DGKE: variants seen among roughly 807,000 people sequenced by gnomAD.
The protein encoded by DGKE is DAG kinase epsilon.
A neutral mutation model predicts 70.0 loss-of-function variants in DGKE; 53 were observed. The ratio of observed to expected loss-of-function variants is 0.76; its 90% CI spans 0.61 to 0.95. The LOEUF is 0.95. Ranked by LOEUF, DGKE falls within the 40% of genes least tolerant of loss-of-function variation. The probability of loss-of-function intolerance (pLI) is 0.00; values close to 1 mark genes in which losing one functional copy is unlikely to be tolerated. For missense variants in DGKE, 655 were observed against 706.9 expected, an observed-to-expected ratio of 0.93 and a Z score of 0.83; for synonymous variants, 291 against 257.0, an observed-to-expected ratio of 1.13 and a Z score of -1.27.
At chr17:56,847,857 A>G in intron 4 of DGKE, 65 bp from the exon 5 acceptor site, 1 of 1,232,020 alleles carries the variant, frequency 8.1e-7, no homozygotes, top group Non-Finnish European at 1.1e-6. Context: ...TCTAGAGGGA[A>G]ATCATCATTA....
At chr17:56,851,849 A>G (rs957132146) in intron 7 of DGKE, among the ~76,000 whole-genome samples, 6 of 152,198 alleles carry the variant, frequency 3.9e-5, no homozygotes, top group African/African-American at 1.4e-4. Flanking sequence ...GGCTCTTATA[A>G]ACTAAAATTC....
At chr17:56,857,448 G>A (rs907940188) in intron 8 of DGKE, among the ~76,000 whole-genome samples, 4 of 152,062 alleles carry the variant, frequency 2.6e-5, no homozygotes, top group South Asian at 2.1e-4. Context: ...AATAACGTTC[G>A]GTGATTGACC....
intron 6 of DGKE, 113 bp from the exon 7 acceptor site, chr17:56,849,068 C>T (rs930080668): frequency 2.6e-5 from 32 of 1,216,716 alleles, no homozygotes; most frequent in South Asian, 1.6e-4. Context: ...TGCTCATATA[C>T]GTGTGGTTAC....
chr17:56,845,669 A>T (rs746656405), intron 3 of DGKE, 21 bp from the exon 4 acceptor site: 2 of 1,600,226 alleles, frequency 1.2e-6, no homozygotes, highest in Admixed American at 3.5e-5. Context: ...AAACCTTTTC[A>T]CTCATGGCAA....
Position 56,856,579 on chromosome 17 carries a change from A to T in DGKE, c.1166A>T (p.His389Leu). ...CTCATGGCTCTCAATTTTCATGCTCATCGTGAGAAGGCACCATCTCTGTTT... is the reference window on the plus strand; with the variant it reads ...CTCATGGCTCTCAATTTTCATGCTCTTCGTGAGAAGGCACCATCTCTGTTT... Reference protein sequence around the residue: ...DALMALNFHAHREKAPSLFSS... With the variant: ...DALMALNFHALREKAPSLFSS... Residue 389 changes from histidine (H) to leucine (L), a missense_variant, in exon 8 of 12, where the codon CAT becomes CTT. Transcript: ENST00000284061. The T allele has an allele frequency of 6.2e-7, 1 of 1,613,512 alleles. No homozygotes were observed. The highest frequency in any genetic ancestry group is 1.3e-5 in the African/African-American group (1 of 75,026).
intron 4 of DGKE, among the ~76,000 whole-genome samples, chr17:56,846,803 A>C (rs1411718547): frequency 6.6e-6 from 1 of 152,140 alleles, no homozygotes; most frequent in South Asian, 2.1e-4. Context: ...CAAATACATC[A>C]GTTCTCTTTT....
Position 56,858,652 on chromosome 17 carries a change from A to C in DGKE, c.1271A>C (p.Asn424Thr). 1 of 1,604,662 alleles carries C rather than the reference A, an allele frequency of 6.2e-7. No homozygotes were observed. Among genetic ancestry groups the C allele is most frequent in the South Asian group, 1.1e-5 (1 of 88,606 alleles). The change falls in exon 9 of 12, where the codon AAT (asparagine) becomes ACT (threonine). Residue 424 changes from asparagine to threonine, a missense_variant. By Grantham distance (65) the Asn-to-Thr change is moderately conservative. Transcript: ENST00000284061. ...TTAGTGCAAGAATGTAAAGATTTGA[A>C]TAAAAAAGTTGAGGTAAGCTATTAA... ...DCLVQECKDL[N>T]KKVELELDGE...
At chr17:56,843,980 G>T in intron 2 of DGKE, 39 bp from the exon 3 acceptor site, 1 of 1,511,126 alleles carries the variant, frequency 6.6e-7, no homozygotes, top group Non-Finnish European at 8.8e-7. Context: ...TGAGATTATG[G>T]TTTAAAATTA....
intron 7 of DGKE, among the ~76,000 whole-genome samples, chr17:56,853,333 C>G (rs1171949551): frequency 6.6e-6 from 1 of 152,144 alleles, no homozygotes; most frequent in Non-Finnish European, 1.5e-5. Context: ...ATTGCCTATG[C>G]TTTTGAGATC....
intron 8 of DGKE, 116 bp downstream of exon 8, chr17:56,856,741 C>A: frequency 2.3e-6 from 3 of 1,303,964 alleles, no homozygotes; most frequent in South Asian, 1.6e-5. Flanking sequence ...GAAATATTTA[C>A]CTGCTCTGTT....
chr17:56,842,790 G>A (rs1024644242), intron 2 of DGKE, among the ~76,000 whole-genome samples: 2 of 152,100 alleles, frequency 1.3e-5, no homozygotes, highest in African/African-American at 4.8e-5. Context: ...CTGGTGGCCT[G>A]CTTTATCTCT....
chr17:56,849,206 G>A lies in DGKE; in HGVS notation c.1072G>A (p.Gly358Arg). The A allele has an allele frequency of 6.2e-7, 1 of 1,609,496 alleles. No homozygotes were observed. Among genetic ancestry groups the A allele is most frequent in the Non-Finnish European group, 8.5e-7 (1 of 1,178,866 alleles). The change falls in exon 7 of 12, where the codon GGA (glycine) becomes AGA (arginine). Residue 358 changes from glycine to arginine, a missense_variant. Coordinates refer to ENST00000284061, the MANE Select transcript of DGKE (RefSeq NM_003647.3). ...DRWKVQVTNK[G>R]YYNLRKPKEF... is the part of the protein sequence containing the mutation. ...ATGGAAAGTTCAAGTAACAAATAAA[G>A]GATACTACAACTTAAGAAAACCCAA...
chr17:56,862,465 T>C (rs574996974), intron 11 of DGKE, 147 bp from the exon 12 acceptor site: 238 of 933,028 alleles, frequency 2.6e-4, no homozygotes, highest in Middle Eastern at 3.4e-4. Context: ...AAGAATTCCT[T>C]AATCAATGAA....
chr17:56,862,557 C>A, intron 11 of DGKE, 55 bp from the exon 12 acceptor site: 1 of 1,416,690 alleles, frequency 7.1e-7, no homozygotes, highest in South Asian at 1.6e-5. Flanking sequence ...TTAAGGAAGA[C>A]CTTTCTAAAT....
At position 56,866,948 on chromosome 17, in the gene DGKE, C is replaced by G. The variant is rs948061057; in HGVS notation, c.*4157C>G. ...TTGGTGGACAGAATATTTTGGAGGTCTCCGTCGCTGTTTAGAATGTGGCCA... is the reference window on the plus strand; with the variant it reads ...TTGGTGGACAGAATATTTTGGAGGTGTCCGTCGCTGTTTAGAATGTGGCCA... On this transcript the variant is annotated 3_prime_UTR_variant, in exon 12 of 12. Transcript: ENST00000284061. 5.9e-5 allele frequency: 9 copies of G among 152,180 alleles called. No individual in the cohort carries two copies. The highest frequency in any genetic ancestry group is 2.2e-4 in the African/African-American group (9 of 41,432). The allele number at this position is 152,180 out of a possible 1,614,324, so 9.4% of individuals were successfully genotyped here.
At chr17:56,861,735 G>A in intron 9 of DGKE, 56 bp from the exon 10 acceptor site, 1 of 1,594,466 alleles carries the variant, frequency 6.3e-7, no homozygotes, top group South Asian at 1.1e-5. Flanking sequence ...ATTCTAAATG[G>A]ATGTGTGTGG....
rs1181976331 is a variant in DGKE at position 56,868,237 on chromosome 17, G to A, written c.*5446G>A. 2 of 152,380 alleles carry A rather than the reference G, an allele frequency of 1.3e-5. No individual in the cohort carries two copies. Among genetic ancestry groups the A allele is most frequent in the African/African-American group, 2.4e-5 (1 of 41,474 alleles). The allele number at this position is 152,380 out of a possible 1,614,324, so 9.4% of individuals were successfully genotyped here. A position where few individuals can be genotyped will look rare whatever the true frequency, so the allele number is the denominator to read the frequency against. ...TAGAGTAAGGCAGGCACTTTGTGGAGGTGGATGATGATGGCTCATAAAAAC... is the reference window on the plus strand; with the variant it reads ...TAGAGTAAGGCAGGCACTTTGTGGAAGTGGATGATGATGGCTCATAAAAAC... On this transcript the variant is annotated 3_prime_UTR_variant, in exon 12 of 12. Coordinates refer to ENST00000284061, the MANE Select transcript of DGKE (RefSeq NM_003647.3).
At chr17:56,850,954 T>TA (rs893765847) in intron 7 of DGKE, among the ~76,000 whole-genome samples, 1 of 152,226 alleles carries the variant, frequency 6.6e-6, no homozygotes, top group South Asian at 2.1e-4. Context: ...GAGGAAGTGA[T>TA]ACGGGAGTTG....
At chr17:56,862,054 G>A (rs1470986057) in intron 10 of DGKE, 86 bp from the exon 11 acceptor site, 2 of 1,547,926 alleles carry the variant, frequency 1.3e-6, no homozygotes, top group African/African-American at 1.4e-5. Context: ...TAAGTTGATG[G>A]TCCAACTGTG....
Sources: allele counts gnomAD v4.1 joint callset (sites outside exome capture counted in the v4.1 genomes callset), GRCh38; gene constraint gnomAD v4.1.1; transcripts MANE v1.5; gene names NCBI Gene and HGNC (gene_info 2026-07-23, HGNC 2026-07-21).